The following CREB5 variants were observed in gnomAD, a reference collection of about 807,000 sequenced individuals.
CREB5 encodes the protein cyclic AMP-responsive element-binding protein 5.
CREB5 carries 19 observed loss-of-function variants against 57.1 expected under a neutral mutation model. The ratio of observed to expected loss-of-function variants is 0.33; its 90% CI spans 0.23 to 0.49. CREB5 has a LOEUF of 0.49. Ranked by LOEUF, CREB5 falls within the 20% of genes least tolerant of loss-of-function variation. CREB5 has a pLI of 0.99. For synonymous variants in CREB5, 238 were observed against 238.3 expected (o/e 1.00, Z 0.01); for missense variants, 579 against 671.6 (o/e 0.86, Z 1.52).
At chr7:28,815,281 TAAAA>T (rs1454181076) in intron 9 of CREB5, among the ~76,000 whole-genome samples, 4 of 151,892 alleles carry the variant, frequency 2.6e-5, no homozygotes, top group African/African-American at 9.7e-5. Context: ...TCTATAACAA[TAAAA>T]AAGAAAAAAA....
chr7:28,309,428 C>A (rs1167518619), intron 1 of CREB5, among the ~76,000 whole-genome samples: 2 of 152,176 alleles, frequency 1.3e-5, no homozygotes, highest in African/African-American at 4.8e-5. Flanking sequence ...ATTTGCCTGG[C>A]TTTCTGGCAC....
intron 5 of CREB5, among the ~76,000 whole-genome samples, chr7:28,695,814 C>T (rs1801528078): frequency 6.6e-6 from 1 of 152,146 alleles, no homozygotes; most frequent in South Asian, 2.1e-4. Context: ...CTGCTTCCTC[C>T]CTCTTCCTCC....
At chr7:28,658,249 C>T (rs1799415131) in intron 5 of CREB5, among the ~76,000 whole-genome samples, 1 of 152,248 alleles carries the variant, frequency 6.6e-6, no homozygotes, top group Non-Finnish European at 1.5e-5. Context: ...TTCAAAGAAT[C>T]AGGATAAAAT....
chr7:28,817,369 G>A (rs998214167), intron 9 of CREB5, among the ~76,000 whole-genome samples: 1 of 152,154 alleles, frequency 6.6e-6, no homozygotes, highest in African/African-American at 2.4e-5. Context: ...CAGTAATTGA[G>A]TAGGAGATGG....
Position 28,560,911 on chromosome 7 carries a change from T to TGCGCGTGTGCGTGC in CREB5, c.292-9453_292-9452insCGCGTGTGCGTGCG, listed in dbSNP as rs1174704522. Among the ~76,000 whole-genome samples the TGCGCGTGTGCGTGC allele has an allele frequency of 3.9e-3, 141 of 36,052 alleles. 10 individuals carry two copies. Among genetic ancestry groups the TGCGCGTGTGCGTGC allele is most frequent in the Middle Eastern group, 0.013 (1 of 76 alleles). 23.7% of individuals were successfully genotyped at this position (36,052 alleles called of 152,430 possible). On this transcript the variant is annotated intron_variant, in intron 4 of 10. Coordinates refer to ENST00000357727, the MANE Select transcript of CREB5 (RefSeq NM_182898.4). ...GCGTGTGTGTGCGTGCGCGCGTGCG[T>TGCGCGTGTGCGTGC]GTGCGTGTGTGCGCGTGCGTGTGTG...
At chr7:28,405,050 G>A (rs1787547927) in intron 1 of CREB5, among the ~76,000 whole-genome samples, 1 of 152,210 alleles carries the variant, frequency 6.6e-6, no homozygotes, top group African/African-American at 2.4e-5. Context: ...TCAAGGGTTG[G>A]CACAGAGCAA....
chr7:28,808,682 G>A (rs1451653702), intron 8 of CREB5, among the ~76,000 whole-genome samples: 1 of 149,006 alleles, frequency 6.7e-6, no homozygotes, highest in African/African-American at 2.5e-5. Flanking sequence ...AGGACTACAG[G>A]CATGCGCCAC....
At chr7:28,772,942 T>C (rs983367114) in intron 7 of CREB5, among the ~76,000 whole-genome samples, 6 of 152,150 alleles carry the variant, frequency 3.9e-5, no homozygotes, top group African/African-American at 7.2e-5. Flanking sequence ...CGTAACCTCC[T>C]AGATCTCAGG....
intron 5 of CREB5, among the ~76,000 whole-genome samples, chr7:28,593,206 G>A (rs974792107): frequency 1.4e-5 from 2 of 147,746 alleles, no homozygotes; most frequent in African/African-American, 4.8e-5. Flanking sequence ...ATTTGTGTCG[G>A]TTGAATCAAG....
At chr7:28,431,835 G>C (rs575958892) in intron 1 of CREB5, among the ~76,000 whole-genome samples, 1 of 152,234 alleles carries the variant, frequency 6.6e-6, no homozygotes, top group South Asian at 2.1e-4. Context: ...GGCAGAATGT[G>C]GTGGACAAGG....
At chr7:28,669,376 T>A (rs76479358) in intron 5 of CREB5, among the ~76,000 whole-genome samples, 4,613 of 152,284 alleles carry the variant, frequency 0.03, 87 homozygotes, top group Middle Eastern at 0.054. Flanking sequence ...TTAAAACCCC[T>A]TTATGTTTGT....
chr7:28,569,344 G>A (rs774471730), intron 4 of CREB5, among the ~76,000 whole-genome samples: 2 of 151,834 alleles, frequency 1.3e-5, no homozygotes, highest in East Asian at 3.9e-4. Context: ...TCTTTATTGG[G>A]TTCTAAATTT....
At chr7:28,432,637 T>G (rs911259594) in intron 1 of CREB5, among the ~76,000 whole-genome samples, 2 of 152,194 alleles carry the variant, frequency 1.3e-5, no homozygotes, top group African/African-American at 4.8e-5. Context: ...TCCTAAAATC[T>G]TTCTAGTGTG....
chr7:28,554,030 C>T (rs1172987862), intron 4 of CREB5, among the ~76,000 whole-genome samples: 2 of 152,142 alleles, frequency 1.3e-5, no homozygotes, highest in African/African-American at 4.8e-5. Context: ...TGAGTGGACC[C>T]CTGGGCTTTT....
At chr7:28,336,763 G>T (rs1317021989) in intron 1 of CREB5, among the ~76,000 whole-genome samples, 1 of 150,312 alleles carries the variant, frequency 6.7e-6, no homozygotes, top group Non-Finnish European at 1.5e-5. Context: ...TGCTTTTCTA[G>T]TTCTTCAACA....
At chr7:28,356,884 A>G (rs1453558812) in intron 1 of CREB5, among the ~76,000 whole-genome samples, 1 of 152,192 alleles carries the variant, frequency 6.6e-6, no homozygotes, top group East Asian at 1.9e-4. Flanking sequence ...AAGGGAACTG[A>G]CAGTGTGTCT....
chr7:28,548,619 A>G (rs370777797), intron 4 of CREB5, among the ~76,000 whole-genome samples: 34 of 152,322 alleles, frequency 2.2e-4, no homozygotes, highest in Middle Eastern at 3.4e-3. Context: ...CAGAGCATAG[A>G]AATTCCCATG....
At chr7:28,615,673 A>G (rs1797570543) in intron 5 of CREB5, 1 of 152,302 alleles carries the variant, frequency 6.6e-6, no homozygotes, top group South Asian at 2.1e-4. Flanking sequence ...AAAGTCAATG[A>G]TTTTAGACTC....
intron 7 of CREB5, among the ~76,000 whole-genome samples, chr7:28,761,812 T>C (rs1805677218): frequency 6.6e-6 from 1 of 151,984 alleles, no homozygotes; most frequent in Non-Finnish European, 1.5e-5. Context: ...TTCAGGAAAA[T>C]AAGCCAATTA....
Sources: gnomAD v4.1 joint callset for allele counts (sites outside exome capture counted in the v4.1 genomes callset) on GRCh38, gnomAD v4.1.1 for gene constraint, MANE v1.5 for transcripts, NCBI Gene and HGNC (gene_info 2026-07-23, HGNC 2026-07-21) for gene names.